Variants in ARIH1 observed in about 807,000 individuals in gnomAD.
ARIH1 encodes E3 ubiquitin-protein ligase ARIH1.
ARIH1 carries 8 observed loss-of-function variants against 85.0 expected under a neutral mutation model. The ratio of observed to expected loss-of-function variants is 0.09; its 90% confidence interval spans 0.06 to 0.17. The LOEUF (loss-of-function observed/expected upper bound fraction) is 0.17, where lower values mean the gene tolerates loss of function less well. Ranked by LOEUF, ARIH1 falls within the 10% of genes least tolerant of loss-of-function variation. ARIH1 has a pLI of 1.00. For synonymous variants in ARIH1, 238 were observed against 253.6 expected (o/e 0.94, Z 0.59); for missense variants, 311 against 718.1 (o/e 0.43, Z 6.48).
chr15:72,528,478 A>G (rs1472492796), intron 2 of ARIH1, among the ~76,000 whole-genome samples: 1 of 152,214 alleles, frequency 6.6e-6, no homozygotes. Context: ...AGGGATGGTG[A>G]AAGTAAATTT....
At position 72,512,205 on chromosome 15, in the gene ARIH1, G is replaced by C. The variant is rs188197766; in HGVS notation, c.376-5862G>C. On this transcript the variant is annotated intron_variant, in intron 1 of 13. Transcript: ENST00000379887. ...TCCTATTCTAGTTTTTGGAAGAGTG[G>C]TGTAGAATTTTTTTTTTTCTTCCTT... Among the ~76,000 whole-genome samples, 177 of 152,036 alleles carry C rather than the reference G, an allele frequency of 1.2e-3. 1 individual carries two copies. Among genetic ancestry groups the C allele is most frequent in the African/African-American group, 4.0e-3 (166 of 41,512 alleles).
rs28575961 is a variant in ARIH1, at chr15:72,536,172, G to T, written c.444-8648G>T. ...CCAGCATCTGTGTCTTCTAAAGCCT[G>T]TATTGTACAGATGTTCTCCATTCTG... On this transcript the variant is annotated intron_variant, in intron 2 of 13. Transcript: ENST00000379887. Among the ~76,000 whole-genome samples the T allele has an allele frequency of 6.9e-3, 1,047 of 152,298 alleles. 8 individuals carry two copies. Among genetic ancestry groups the T allele is most frequent in the African/African-American group, 0.024 (994 of 41,578 alleles).
At chr15:72,580,593 C>T (rs1010685870) in intron 11 of ARIH1, 138 bp from the exon 12 acceptor site, 105 of 802,236 alleles carry the variant, frequency 1.3e-4, no homozygotes, top group South Asian at 9.2e-4. Context: ...TTTGCCAAGA[C>T]TTATCTTTCA....
intron 1 of ARIH1, among the ~76,000 whole-genome samples, chr15:72,493,982 C>T (rs1306173373): frequency 6.6e-6 from 1 of 152,122 alleles, no homozygotes; most frequent in African/African-American, 2.4e-5. Context: ...ACCTCAACTA[C>T]GTGGTTCCCT....
intron 3 of ARIH1, among the ~76,000 whole-genome samples, chr15:72,554,339 G>A (rs1435541214): frequency 1.3e-5 from 2 of 152,132 alleles, no homozygotes. Context: ...CATCAACAGT[G>A]TACGAAGGCT....
intron 1 of ARIH1, among the ~76,000 whole-genome samples, chr15:72,490,653 G>C (rs2063855497): frequency 6.6e-6 from 1 of 151,894 alleles, no homozygotes; most frequent in South Asian, 2.1e-4. Flanking sequence ...TTCATATTTG[G>C]CCTAAATCTA....
intron 3 of ARIH1, among the ~76,000 whole-genome samples, chr15:72,549,088 C>CTTTT (rs528063272): frequency 2.2e-5 from 3 of 139,334 alleles, no homozygotes; most frequent in Non-Finnish European, 1.6e-5. Context: ...CTCTCTCTCT[C>CTTTT]TTTTTTTTTT....
At chr15:72,503,669 A>G (rs1398084303) in intron 1 of ARIH1, among the ~76,000 whole-genome samples, 2 of 152,240 alleles carry the variant, frequency 1.3e-5, no homozygotes, top group Admixed American at 1.3e-4. Context: ...CTTTGGTGAC[A>G]AAATGCTACT....
At chr15:72,525,375 A>G (rs1407139971) in intron 2 of ARIH1, among the ~76,000 whole-genome samples, 1 of 152,242 alleles carries the variant, frequency 6.6e-6, no homozygotes, top group Admixed American at 6.5e-5. Flanking sequence ...GATTCTTAGC[A>G]AACTGAGAAA....
At chr15:72,491,610 C>T (rs1416212901) in intron 1 of ARIH1, among the ~76,000 whole-genome samples, 1 of 152,104 alleles carries the variant, frequency 6.6e-6, no homozygotes, top group African/African-American at 2.4e-5. Context: ...GGTACTATCC[C>T]CATTTTTTTC....
chr15:72,555,409 G>T (rs1301588822), intron 4 of ARIH1, 46 bp downstream of exon 4: 2 of 1,392,460 alleles, frequency 1.4e-6, no homozygotes, highest in Non-Finnish European at 2.0e-6. Flanking sequence ...ATTTCCTATA[G>T]TGTTAAGACC....
intron 1 of ARIH1, among the ~76,000 whole-genome samples, chr15:72,516,773 CTA>C (rs1006777386): frequency 2.6e-5 from 4 of 152,302 alleles, no homozygotes; most frequent in African/African-American, 4.8e-5. Context: ...TTTCATGACA[CTA>C]TTTTTATACA....
intron 3 of ARIH1, among the ~76,000 whole-genome samples, chr15:72,555,033 T>G (rs2064169046): frequency 6.6e-6 from 1 of 152,218 alleles, no homozygotes; most frequent in Non-Finnish European, 1.5e-5. Context: ...ATATGCTCAT[T>G]TGTCTTTTTA....
Position 72,588,218 on chromosome 15 carries a change from C to A in ARIH1, c.*4926C>A, listed in dbSNP as rs970473686. On this transcript the variant is annotated 3_prime_UTR_variant, in exon 14 of 14. Transcript: ENST00000379887. ...AGAGGAGCCTGTGAAATCCAGACTT[C>A]ATGTGAATTCTCTTAATTAAATGTG... The A allele has an allele frequency of 6.6e-6, 1 of 152,112 alleles. No individual in the cohort carries two copies. Among genetic ancestry groups the A allele is most frequent in the Non-Finnish European group, 1.5e-5 (1 of 68,032 alleles). 9.4% of individuals were successfully genotyped at this position (152,112 alleles called of 1,614,324 possible). A position where few individuals can be genotyped will look rare whatever the true frequency, so the allele number is the denominator to read the frequency against.
intron 1 of ARIH1, among the ~76,000 whole-genome samples, chr15:72,497,986 G>C (rs1053837806): frequency 1.3e-5 from 2 of 152,116 alleles, no homozygotes; most frequent in African/African-American, 4.8e-5. Context: ...GGGATGTTTC[G>C]AATCAATAGT....
intron 11 of ARIH1, among the ~76,000 whole-genome samples, chr15:72,575,393 C>CT (rs1346469498): frequency 1.3e-5 from 2 of 151,644 alleles, no homozygotes; most frequent in African/African-American, 4.8e-5. Context: ...TGGGCAACAA[C>CT]TGAGACCCTG....
chr15:72,492,868 A>G (rs1360558751), intron 1 of ARIH1, among the ~76,000 whole-genome samples: 2 of 152,208 alleles, frequency 1.3e-5, no homozygotes, highest in Non-Finnish European at 2.9e-5. Flanking sequence ...GAATGAAAGT[A>G]TAACATTAAG....
intron 1 of ARIH1, among the ~76,000 whole-genome samples, chr15:72,491,629 A>G (rs2063859774): frequency 1.3e-5 from 2 of 152,116 alleles, no homozygotes; most frequent in African/African-American, 4.8e-5. Context: ...TCCTTTGTGA[A>G]TTGTTCACAT....
chr15:72,508,941 G>T (rs894389763), intron 1 of ARIH1, among the ~76,000 whole-genome samples: 1 of 151,114 alleles, frequency 6.6e-6, no homozygotes, highest in African/African-American at 2.4e-5. Context: ...TGATCTACCC[G>T]CCTTAGCTTC....
Sources: gnomAD v4.1 joint callset for allele counts (sites outside exome capture counted in the v4.1 genomes callset) on GRCh38, gnomAD v4.1.1 for gene constraint, MANE v1.5 for transcripts, NCBI Gene and HGNC (gene_info 2026-07-23, HGNC 2026-07-21) for gene names.